RGS8: variants seen among roughly 807,000 people sequenced by gnomAD.
RGS8 encodes the protein regulator of G protein signaling 8.
Under a neutral mutation model 21.7 loss-of-function variants are expected in RGS8, and 8 were observed. That is an observed-to-expected ratio of 0.37 (90% confidence interval 0.22 to 0.66). The LOEUF (loss-of-function observed/expected upper bound fraction) is 0.66. Among genes scored for constraint, RGS8 ranks in the 30% least tolerant of loss-of-function variants. The pLI is 0.59. For missense variants in RGS8, 157 were observed against 217.9 expected (o/e 0.72, Z 1.76); for synonymous variants, 80 against 83.6 (o/e 0.96, Z 0.24).
At chr1:182,729,139 A>T in the RGS8 span, among the ~76,000 whole-genome samples, 1 of 152,254 alleles carries the variant, frequency 6.6e-6, no homozygotes, top group Non-Finnish European at 1.5e-5. Flanking sequence ...GGATTAAAAA[A>T]TTTTAATGAA....
At chr1:182,722,097 G>A in the RGS8 span, among the ~76,000 whole-genome samples, 1 of 152,042 alleles carries the variant, frequency 6.6e-6, no homozygotes, top group Admixed American at 6.6e-5. Context: ...CATAACTTGG[G>A]ACGTATTATA....
At chr1:182,696,524 A>AT in the RGS8 span, among the ~76,000 whole-genome samples, 5 of 151,856 alleles carry the variant, frequency 3.3e-5, no homozygotes, top group Non-Finnish European at 7.4e-5. Flanking sequence ...CACCTGGCTA[A>AT]TTTTTGTATT....
the RGS8 span, among the ~76,000 whole-genome samples, chr1:182,720,888 T>A: frequency 9.1e-6 from 1 of 110,272 alleles, no homozygotes; most frequent in Non-Finnish European, 1.9e-5. Flanking sequence ...TGTATATATA[T>A]ACACATATAT....
chr1:182,647,837 C>T (rs932649835), intron 6 of RGS8, among the ~76,000 whole-genome samples: 1 of 152,194 alleles, frequency 6.6e-6, no homozygotes, highest in Non-Finnish European at 1.5e-5. Context: ...TGCTTTCCAT[C>T]AGGAAAATGA....
upstream of RGS8, among the ~76,000 whole-genome samples, chr1:182,686,474 T>C (rs747129615): frequency 2.0e-5 from 3 of 151,638 alleles, no homozygotes; most frequent in African/African-American, 7.3e-5. Flanking sequence ...AGTACAGAGA[T>C]TTGGGGAGAC....
At position 182,646,556 on chromosome 1, in the gene RGS8, G is replaced by C. The variant is rs111866177; in HGVS notation, c.*179C>G. On this transcript the variant is annotated 3_prime_UTR_variant, in exon 7 of 7. Coordinates refer to ENST00000483095, the Ensembl canonical transcript of RGS8. ...AACACAAACATGGGTAAATGGAATA[G>C]AGTCCAAGCTCCGGCAGCTGGGTCA... The C allele has an allele frequency of 7.4e-5, 44 of 596,400 alleles. 1 individual carries two copies. The highest frequency in any genetic ancestry group is 4.1e-4 in the African/African-American group (22 of 54,234). 36.9% of individuals were successfully genotyped at this position (596,400 alleles called of 1,614,324 possible).
At chr1:182,730,424 A>AT in the RGS8 span, among the ~76,000 whole-genome samples, 1 of 152,020 alleles carries the variant, frequency 6.6e-6, no homozygotes, top group African/African-American at 2.4e-5. Flanking sequence ...AAAAAAAAAA[A>AT]TTTGGCCGGG....
chr1:182,716,131 T>G, the RGS8 span, among the ~76,000 whole-genome samples: 1 of 151,574 alleles, frequency 6.6e-6, no homozygotes, highest in African/African-American at 2.4e-5. Flanking sequence ...TTTTGGTTTT[T>G]TTTTTTTTCC....
the RGS8 span, among the ~76,000 whole-genome samples, chr1:182,695,691 A>G: frequency 6.6e-6 from 1 of 152,218 alleles, no homozygotes. Context: ...ATGAACAGCA[A>G]GGGATACAGA....
chr1:182,740,548 G>GT, the RGS8 span, among the ~76,000 whole-genome samples: 1,906 of 76,000 alleles, frequency 0.025, 30 homozygotes, highest in Non-Finnish European at 0.044. Context: ...TTGTTTGTTT[G>GT]TTTTTTTTTT....
chr1:182,736,791 C>T, the RGS8 span, among the ~76,000 whole-genome samples: 1 of 152,170 alleles, frequency 6.6e-6, no homozygotes. Flanking sequence ...CTGACCTCCA[C>T]CTTGCTCACT....
intron 3 of RGS8, among the ~76,000 whole-genome samples, chr1:182,667,226 G>A (rs547842738): frequency 6.6e-6 from 1 of 152,328 alleles, no homozygotes; most frequent in East Asian, 1.9e-4. Context: ...GTAAGTCAAT[G>A]AAGGTCATTA....
the RGS8 span, among the ~76,000 whole-genome samples, chr1:182,715,573 G>T: frequency 6.6e-6 from 1 of 152,130 alleles, no homozygotes; most frequent in South Asian, 2.1e-4. Flanking sequence ...CAGATTGTGG[G>T]GCTCTATCCC....
chr1:182,744,547 CT>C, the RGS8 span, among the ~76,000 whole-genome samples: 3 of 152,188 alleles, frequency 2.0e-5, no homozygotes, highest in African/African-American at 7.2e-5. Flanking sequence ...TCCCTATTGC[CT>C]AGTGACATAG....
the RGS8 span, among the ~76,000 whole-genome samples, chr1:182,718,693 T>A: frequency 1.3e-5 from 2 of 152,200 alleles, no homozygotes; most frequent in East Asian, 1.9e-4. Context: ...ATGAGAAAAA[T>A]GGAAAAGGGG....
chr1:182,714,145 C>T, the RGS8 span, among the ~76,000 whole-genome samples: 12 of 152,292 alleles, frequency 7.9e-5, no homozygotes, highest in African/African-American at 2.6e-4. Flanking sequence ...CTACAGGTTT[C>T]AGCTTAAATG....
chr1:182,681,798 CT>C (rs1260258067), intron 1 of RGS8, among the ~76,000 whole-genome samples: 3 of 152,250 alleles, frequency 2.0e-5, no homozygotes, highest in African/African-American at 7.2e-5. Context: ...CAAATTCCCC[CT>C]GACACTTTTC....
intron 1 of RGS8, among the ~76,000 whole-genome samples, chr1:182,683,627 CA>C (rs397863359): frequency 0.18 from 11,055 of 60,698 alleles, 491 homozygotes; most frequent in African/African-American, 0.29. Flanking sequence ...TCCCAGTGCT[CA>C]AAAAAAAAAA....
the RGS8 span, among the ~76,000 whole-genome samples, chr1:182,715,352 A>G: frequency 6.6e-6 from 1 of 152,114 alleles, no homozygotes; most frequent in Non-Finnish European, 1.5e-5. Context: ...AGTTACTCTC[A>G]CTTACCCCTT....
Sources: allele counts gnomAD v4.1 joint callset (sites outside exome capture counted in the v4.1 genomes callset), GRCh38; gene constraint gnomAD v4.1.1; transcripts MANE v1.5; gene names NCBI Gene and HGNC (gene_info 2026-07-23, HGNC 2026-07-21).